The following DMRTA2 variants were observed in gnomAD, a reference collection of about 807,000 sequenced individuals.
DMRTA2 encodes DMRT like family A2, also known as doublesex- and mab-3-related transcription factor A2.
DMRTA2 carries 10 observed loss-of-function variants against 29.7 expected under a neutral mutation model. That is an observed-to-expected ratio of 0.34 (90% CI 0.21 to 0.57). The LOEUF is 0.57. Among genes scored for constraint, DMRTA2 ranks in the 20% least tolerant of loss-of-function variants. The probability of loss-of-function intolerance (pLI) is 0.87; values close to 1 mark genes in which losing one functional copy is unlikely to be tolerated. For synonymous variants in DMRTA2, 469 were observed against 402.6 expected (o/e 1.16, Z -1.97); for missense variants, 783 against 812.1 (o/e 0.96, Z 0.44).
In DMRTA2 at chr1:50,418,739, C is replaced by A. The variant is rs768444458; in HGVS notation, c.1555G>T (p.Ala519Ser). Residue 519 changes from alanine to serine, a missense_variant, in exon 3 of 3, where the codon GCG becomes TCG. Transcript: ENST00000404795. ...CCGTAGGTCGGCTCCTTGTGCACCG[C>A]CGCAGCAGCGGCGGCCGAGCGGTCA... The part of the protein sequence containing the change: ...MRDRSAAAAA[A>S]VHKEPTYGGG... 2.6e-5 allele frequency: 40 copies of A among 1,552,812 alleles called. No individual in the cohort carries two copies. The South Asian group carries it at 4.8e-4, about 19-fold the overall frequency.
In DMRTA2 at chr1:50,419,826, T is replaced by G; in HGVS notation, c.560-92A>C. ...CCTTTGGATCTCAGTTTCCTCTCCC[T>G]CAGCCCCACAGCCCTTATTCACTAG... is the stretch of plus-strand genomic sequence containing the variant. On this transcript the variant is annotated intron_variant, in intron 2 of 2. Transcript: ENST00000404795. This position sits in a 1 kb window ranked among gnomAD's most constrained non-coding sequence, Gnocchi z 6.1. 3 of 1,104,836 alleles carry G rather than the reference T, an allele frequency of 2.7e-6. No homozygotes were observed. Among genetic ancestry groups the G allele is most frequent in the Non-Finnish European group, 3.7e-6 (3 of 807,890 alleles). 68.4% of individuals were successfully genotyped at this position (1,104,836 alleles called of 1,614,324 possible). A position where few individuals can be genotyped will look rare whatever the true frequency, so the allele number is the denominator to read the frequency against.
rs770647861 is a variant in DMRTA2, at chr1:50,419,589, G to A, written c.705C>T (p.Pro235=). The change falls in exon 3 of 3, where the codon CCC becomes CCT. Residue 235 remains proline (P), a synonymous_variant. Transcript: ENST00000404795. The surrounding 1 kb of genome is among the most constrained non-coding windows in gnomAD (Gnocchi z 6.1). ...CATCGCCGTTCTCCGAGCCTGAGCCGGGCCGCACCTCTGGGGACGACGTCC... is the reference window on the plus strand; with the variant it reads ...CATCGCCGTTCTCCGAGCCTGAGCCAGGCCGCACCTCTGGGGACGACGTCC... ...GPGTSSPEVR[P]GSGSENGDGE... 7 of 1,552,720 alleles carry A rather than the reference G, an allele frequency of 4.5e-6. No individual in the cohort carries two copies. The highest frequency in any genetic ancestry group is 5.2e-6 in the Non-Finnish European group (6 of 1,150,582).
rs1171499324 is a variant in DMRTA2, at chr1:50,421,580, G to C, written c.-8-36C>G. On this transcript the variant is annotated intron_variant, in intron 1 of 2. Transcript: ENST00000404795. The surrounding 1 kb of genome is among the most constrained non-coding windows in gnomAD (Gnocchi z 8.7). Reference sequence around the variant, plus strand: ...AGAAGGTGGGAGAGGGGAGAGACCTGGTGAGGAGCACACCGCGCGCTAGGC... The same window carrying C: ...AGAAGGTGGGAGAGGGGAGAGACCTCGTGAGGAGCACACCGCGCGCTAGGC... The C allele has an allele frequency of 4.1e-6, 5 of 1,234,336 alleles. No homozygotes were observed. The highest frequency in any genetic ancestry group is 5.0e-6 in the Non-Finnish European group (5 of 990,902). 76.5% of individuals were successfully genotyped at this position (1,234,336 alleles called of 1,614,324 possible).
chr1:50,418,609 C>T lies in DMRTA2; in HGVS notation c.*56G>A. The T allele has an allele frequency of 1.5e-6, 2 of 1,298,764 alleles. No individual in the cohort carries two copies. The highest frequency in any genetic ancestry group is 1.6e-5 in the African/African-American group (1 of 64,354). The allele number at this position is 1,298,764 out of a possible 1,614,324, so 80.5% of individuals were successfully genotyped here. On this transcript the variant is annotated 3_prime_UTR_variant, in exon 3 of 3. Coordinates refer to ENST00000404795, the MANE Select transcript of DMRTA2 (RefSeq NM_032110.3). ...TGGGCGAAGAGGGGTCGATGGCCCGCGGGAACAGGGCTGGGGTTCCTGTTT... is the reference window on the plus strand; with the variant it reads ...TGGGCGAAGAGGGGTCGATGGCCCGTGGGAACAGGGCTGGGGTTCCTGTTT...
rs1485979379 is a variant in DMRTA2, at chr1:50,419,849, T to C, written c.560-115A>G. The C allele has an allele frequency of 1.2e-6, 1 of 842,438 alleles. No individual in the cohort carries two copies. Among genetic ancestry groups the C allele is most frequent in the Admixed American group, 3.8e-5 (1 of 26,158 alleles). 52.2% of individuals were successfully genotyped at this position (842,438 alleles called of 1,614,324 possible). A position where few individuals can be genotyped will look rare whatever the true frequency, so the allele number is the denominator to read the frequency against. ...CCTCAGCCCCACAGCCCTTATTCAC[T>C]AGGCTCCAGTGCCCCTCTTTCTTTT... On this transcript the variant is annotated intron_variant, in intron 2 of 2. Coordinates refer to ENST00000404795, the MANE Select transcript of DMRTA2 (RefSeq NM_032110.3). The surrounding 1 kb of genome is among the most constrained non-coding windows in gnomAD (Gnocchi z 6.1).
chr1:50,421,377 G>T lies in DMRTA2; in HGVS notation c.160C>A (p.Pro54Thr). 1 of 1,497,266 alleles carries T rather than the reference G, an allele frequency of 6.7e-7. No homozygotes were observed. Among genetic ancestry groups the T allele is most frequent in the Non-Finnish European group, 8.9e-7 (1 of 1,124,364 alleles). The allele number at this position is 1,497,266 out of a possible 1,614,324, so 92.7% of individuals were successfully genotyped here. Reference protein sequence around the residue: ...VSVAGGLLRGPPLLLRAAEKY... With the variant: ...VSVAGGLLRGTPLLLRAAEKY... ...TCGGCTGCCCGCAGCAACAGTGGCG[G>T]CCCCCGCAGCAAGCCGCCTGCCACG... is the stretch of plus-strand genomic sequence containing the variant. Residue 54 changes from proline (P) to threonine (T), a missense_variant, in exon 2 of 3, where the codon CCG becomes ACG. Physicochemically the swap from Pro to Thr is conservative, Grantham distance 38. Coordinates refer to ENST00000404795, the MANE Select transcript of DMRTA2 (RefSeq NM_032110.3). The surrounding 1 kb of genome is among the most constrained non-coding windows in gnomAD (Gnocchi z 8.7).
At position 50,421,518 on chromosome 1, in the gene DMRTA2, G is replaced by C; in HGVS notation, c.19C>G (p.Leu7Val). MELRSE[L>V]PSVPGAATAA... ...GTCGCCGCGCCGGGCACGCTGGGCA[G>C]CTCCGAGCGCAGCTCCATGACAGGA... The change falls in exon 2 of 3, where the codon CTG becomes GTG. Residue 7 changes from leucine to valine, a missense_variant. Leu to Val is a conservative substitution (Grantham distance 32). Transcript: ENST00000404795. This position sits in a 1 kb window ranked among gnomAD's most constrained non-coding sequence, Gnocchi z 8.7. The C allele has an allele frequency of 2.4e-6, 3 of 1,263,508 alleles. No homozygotes were observed. Among genetic ancestry groups the C allele is most frequent in the Non-Finnish European group, 3.0e-6 (3 of 1,010,076 alleles). 78.3% of individuals were successfully genotyped at this position (1,263,508 alleles called of 1,614,324 possible). A position where few individuals can be genotyped will look rare whatever the true frequency, so the allele number is the denominator to read the frequency against.
In DMRTA2 at chr1:50,420,928, C is replaced by T. The variant is rs931992210; in HGVS notation, c.559+50G>A. On this transcript the variant is annotated intron_variant, in intron 2 of 2. Transcript: ENST00000404795. This position sits in a 1 kb window ranked among gnomAD's most constrained non-coding sequence, Gnocchi z 4.1. ...GAGACAAGCCCCTGGGCCCCGTGCC[C>T]CAGAGCTACGATCCTGCTGCCCCTA... 1 of 1,400,094 alleles carries T rather than the reference C, an allele frequency of 7.1e-7. No homozygotes were observed. Among genetic ancestry groups the T allele is most frequent in the African/African-American group, 1.5e-5 (1 of 65,552 alleles). The allele number at this position is 1,400,094 out of a possible 1,614,324, so 86.7% of individuals were successfully genotyped here. A position where few individuals can be genotyped will look rare whatever the true frequency, so the allele number is the denominator to read the frequency against.
At position 50,419,473 on chromosome 1, in the gene DMRTA2, T is replaced by TCGC. The variant is rs770021463; in HGVS notation, c.818_820dup (p.Gly273dup). The TCGC allele has an allele frequency of 8.8e-6, 14 of 1,594,586 alleles. No homozygotes were observed. The highest frequency in any genetic ancestry group is 2.2e-5 in the South Asian group (2 of 89,486). On this transcript the variant is annotated inframe_insertion, in exon 3 of 3. Coordinates refer to ENST00000404795, the MANE Select transcript of DMRTA2 (RefSeq NM_032110.3). This position sits in a 1 kb window ranked among gnomAD's most constrained non-coding sequence, Gnocchi z 6.1. ...GCTAGCGGAGCCCGGGCTGTCCTCCTCGCCGCCGCCGCCAGGGCCAGCGCT... is the reference window on the plus strand; with the variant it reads ...GCTAGCGGAGCCCGGGCTGTCCTCCTCGCCGCCGCCGCCGCCAGGGCCAGCGCT...
rs771917631 is a variant in DMRTA2 at position 50,418,868 on chromosome 1, GCGC to G, written c.1423_1425del (p.Ala475del). The G allele has an allele frequency of 7.8e-6, 12 of 1,533,128 alleles. No homozygotes were observed. The Admixed American group carries it at 1.9e-4, about 25-fold the overall frequency. The allele number at this position is 1,533,128 out of a possible 1,614,324, so 95.0% of individuals were successfully genotyped here. Reference sequence around the variant, plus strand: ...GCCATGAAGGCCAGACCGCGGCTGTGCGCCGCCGCCGCGGAGTAGGCCAGGCGC... The same window carrying G: ...GCCATGAAGGCCAGACCGCGGCTGTGCGCCGCCGCGGAGTAGGCCAGGCGC... On this transcript the variant is annotated inframe_deletion, in exon 3 of 3. Coordinates refer to ENST00000404795, the MANE Select transcript of DMRTA2 (RefSeq NM_032110.3).
rs1329797657 is a variant in DMRTA2, at chr1:50,420,423, C to G, written c.559+555G>C. On this transcript the variant is annotated intron_variant, in intron 2 of 2. Coordinates refer to ENST00000404795, the MANE Select transcript of DMRTA2 (RefSeq NM_032110.3). The surrounding 1 kb of genome is among the most constrained non-coding windows in gnomAD (Gnocchi z 4.1). ...GCGAAGAGGAAAAGACATAGGAAAG[C>G]AGACCTGAGAAACCAGGGAGGGTGC... is the stretch of plus-strand genomic sequence containing the variant. Among the ~76,000 whole-genome samples, 1 of 152,126 alleles carries G rather than the reference C, an allele frequency of 6.6e-6. No homozygotes were observed. The highest frequency in any genetic ancestry group is 2.1e-4 in the South Asian group (1 of 4,824).
chr1:50,421,438 C>A lies in DMRTA2; in HGVS notation c.99G>T (p.Ala33=). The A allele has an allele frequency of 1.5e-6, 2 of 1,321,710 alleles. No homozygotes were observed. The highest frequency in any genetic ancestry group is 2.1e-5 in the South Asian group (1 of 46,748). 81.9% of individuals were successfully genotyped at this position (1,321,710 alleles called of 1,614,324 possible). ...GCGATGCAGCGGCCGCCGCGGCTGC[C>A]GCCACCGACGCCACCGACGCCACAG... The part of the protein sequence containing the change: ...GPPVASVASV[A]AAAAAAASLP... The change falls in exon 2 of 3, where the codon GCG becomes GCT. Residue 33 remains alanine (A), a synonymous_variant. Transcript: ENST00000404795. The surrounding 1 kb of genome is among the most constrained non-coding windows in gnomAD (Gnocchi z 8.7).
Position 50,418,857 on chromosome 1 carries a change from A to C in DMRTA2, c.1437T>G (p.Gly479=). The C allele has an allele frequency of 6.5e-7, 1 of 1,549,570 alleles. No individual in the cohort carries two copies. Among genetic ancestry groups the C allele is most frequent in the Non-Finnish European group, 8.7e-7 (1 of 1,153,968 alleles). ...TGGAGTAGGGCGCCATGAAGGCCAG[A>C]CCGCGGCTGTGCGCCGCCGCCGCGG... ...AYSAAAAHSR[G]LAFMAPYSTA... is the part of the protein sequence containing the mutation. Residue 479 remains glycine, a synonymous_variant, in exon 3 of 3, where the codon GGT becomes GGG. Coordinates refer to ENST00000404795, the MANE Select transcript of DMRTA2 (RefSeq NM_032110.3).
rs1646048829 is a variant in DMRTA2, at chr1:50,422,880, C to A, written c.-9+236G>T. ...CAGCCCCATAAGGCCCAAGCAGGCCCAGCTCCCCGCTTCTGCCGCGGTCTC... is the reference window on the plus strand; with the variant it reads ...CAGCCCCATAAGGCCCAAGCAGGCCAAGCTCCCCGCTTCTGCCGCGGTCTC... On this transcript the variant is annotated intron_variant, in intron 1 of 2. Transcript: ENST00000404795. This position sits in a 1 kb window ranked among gnomAD's most constrained non-coding sequence, Gnocchi z 5.7. Among the ~76,000 whole-genome samples, 1 of 152,212 alleles carries A rather than the reference C, an allele frequency of 6.6e-6. No individual in the cohort carries two copies. Among genetic ancestry groups the A allele is most frequent in the East Asian group, 1.9e-4 (1 of 5,178 alleles).
At position 50,419,372 on chromosome 1, in the gene DMRTA2, C is replaced by T. The variant is rs1382371423; in HGVS notation, c.922G>A (p.Gly308Ser). The T allele has an allele frequency of 3.1e-6, 5 of 1,596,922 alleles. No individual in the cohort carries two copies. Among genetic ancestry groups the T allele is most frequent in the Admixed American group, 1.7e-5 (1 of 59,884 alleles). ...GGCGTCCGCTGCCGTGGACCCGAGC[C>T]TCCGCCCAGCCCTGGCGCCGGCGCG... ...EAAPAPGLGG[G>S]SGPRQRTPLD... Residue 308 changes from glycine (G) to serine (S), a missense_variant, in exon 3 of 3, where the codon GGC (glycine) becomes AGC (serine). Physicochemically the swap from Gly to Ser is moderately conservative, Grantham distance 56. Around this residue, in one of 3 missense-constraint regions of DMRTA2, gnomAD observed 667 missense variants for 624.8 expected, o/e 1.07. Transcript: ENST00000404795. The surrounding 1 kb of genome is among the most constrained non-coding windows in gnomAD (Gnocchi z 6.1).
In DMRTA2 at chr1:50,417,628, G is replaced by A. The variant is rs1048413530; in HGVS notation, c.*1037C>T. The stretch of plus-strand genomic sequence containing the variant: ...GCACAAAGTGCTGCTCTGCAGCAGC[G>A]TTTTCCGCTGCGGGCCCTTCAGTCA... On this transcript the variant is annotated 3_prime_UTR_variant, in exon 3 of 3. Coordinates refer to ENST00000404795, the MANE Select transcript of DMRTA2 (RefSeq NM_032110.3). The A allele has an allele frequency of 2.0e-5, 3 of 152,190 alleles. No individual in the cohort carries two copies. Among genetic ancestry groups the A allele is most frequent in the African/African-American group, 4.8e-5 (2 of 41,456 alleles). The allele number at this position is 152,190 out of a possible 1,614,324, so 9.4% of individuals were successfully genotyped here. A position where few individuals can be genotyped will look rare whatever the true frequency, so the allele number is the denominator to read the frequency against.
Position 50,421,336 on chromosome 1 carries a change from G to T in DMRTA2, c.201C>A (p.Thr67=), listed in dbSNP as rs1231952783. The T allele has an allele frequency of 7.9e-6, 12 of 1,527,186 alleles. No homozygotes were observed. The highest frequency in any genetic ancestry group is 1.1e-5 in the Non-Finnish European group (12 of 1,137,100). The allele number at this position is 1,527,186 out of a possible 1,614,324, so 94.6% of individuals were successfully genotyped here. ...LLRAAEKYPR[T]PKCARCRNHG... is the part of the protein sequence containing the mutation. ...GGTTGCGACAGCGCGCGCACTTGGG[G>T]GTCCGCGGGTACTTCTCGGCTGCCC... The change falls in exon 2 of 3, where the codon ACC becomes ACA. Residue 67 remains threonine, a synonymous_variant. Transcript: ENST00000404795. This position sits in a 1 kb window ranked among gnomAD's most constrained non-coding sequence, Gnocchi z 8.7.
In DMRTA2 at chr1:50,418,491, C is replaced by CA. The variant is rs1646004997; in HGVS notation, c.*173_*174insT. 3 of 462,408 alleles carry CA rather than the reference C, an allele frequency of 6.5e-6. No homozygotes were observed. The highest frequency in any genetic ancestry group is 4.0e-5 in the African/African-American group (2 of 49,786). 28.6% of individuals were successfully genotyped at this position (462,408 alleles called of 1,614,324 possible). On this transcript the variant is annotated 3_prime_UTR_variant, in exon 3 of 3. Coordinates refer to ENST00000404795, the MANE Select transcript of DMRTA2 (RefSeq NM_032110.3). ...CCTGCACCTGTCTGTAGCTGCTCCC[C>CA]CTTTGCTCAGCCTTCCCCACCCACC...
rs1557938903 is a variant in DMRTA2, at chr1:50,417,912, T to G, written c.*753A>C. 6.6e-6 allele frequency: 1 copy of G among 152,230 alleles called. No homozygotes were observed. The highest frequency in any genetic ancestry group is 1.5e-5 in the Non-Finnish European group (1 of 68,044). 9.4% of individuals were successfully genotyped at this position (152,230 alleles called of 1,614,324 possible). ...CTTTTTTTGCTTGTTTTGAATGTTT[T>G]TCACGTTAATACCGAGGTCACCTAC... On this transcript the variant is annotated 3_prime_UTR_variant, in exon 3 of 3. Coordinates refer to ENST00000404795, the MANE Select transcript of DMRTA2 (RefSeq NM_032110.3).
Sources: gnomAD v4.1 joint callset for allele counts (sites outside exome capture counted in the v4.1 genomes callset) on GRCh38, gnomAD v4.1.1 for gene constraint, gnomAD v4.1.1 regional missense constraint, Gnocchi (gnomAD v3.1) non-coding constraint, MANE v1.5 for transcripts, NCBI Gene and HGNC (gene_info 2026-07-23, HGNC 2026-07-21) for gene names.